PCYOX1: variants seen among roughly 807,000 people sequenced by gnomAD.
PCYOX1 encodes the protein prenylcysteine oxidase 1.
In PCYOX1, 46 loss-of-function variants were observed where a neutral mutation model predicts 46.4. That is an observed-to-expected ratio of 0.99 (90% CI 0.78 to 1.27). The LOEUF is 1.27. PCYOX1 is among the 50% of genes most tolerant of loss of function. The probability of loss-of-function intolerance (pLI) is 0.00; values close to 1 mark genes in which losing one functional copy is unlikely to be tolerated. For missense variants in PCYOX1, 658 were observed against 628.3 expected, an observed-to-expected ratio of 1.05 and a Z score of -0.51; for synonymous variants, 220 against 231.8, an observed-to-expected ratio of 0.95 and a Z score of 0.46.
intron 3 of PCYOX1, 67 bp from the exon 4 acceptor site, chr2:70,274,892 C>T: frequency 1.0e-6 from 1 of 986,034 alleles, no homozygotes; most frequent in South Asian, 1.3e-5. Context: ...ACGCCACTTC[C>T]CTTCTTTATA....
At chr2:70,273,375 G>A (rs570383224) in intron 3 of PCYOX1, among the ~76,000 whole-genome samples, 2 of 152,196 alleles carry the variant, frequency 1.3e-5, no homozygotes, top group East Asian at 1.9e-4. Flanking sequence ...CATAGATATC[G>A]AATCAGTTTT....
At chr2:70,267,649 C>T (rs1316256254) in intron 3 of PCYOX1, among the ~76,000 whole-genome samples, 2 of 152,084 alleles carry the variant, frequency 1.3e-5, no homozygotes, top group African/African-American at 2.4e-5. Context: ...ACCAGTCAGG[C>T]GTGGCGGCGC....
Position 70,280,748 on chromosome 2 carries a change from A to T in PCYOX1, c.*3356A>T, listed in dbSNP as rs1482748605. ...TTGATCCCTCTTGTTCTTTTGTTGT[A>T]AACATTTTCTATAATTAGGAAATGC... On this transcript the variant is annotated 3_prime_UTR_variant, in exon 6 of 6. Coordinates refer to ENST00000433351, the MANE Select transcript of PCYOX1 (RefSeq NM_016297.4). 3 of 152,204 alleles carry T rather than the reference A, an allele frequency of 2.0e-5. No homozygotes were observed. The East Asian group carries it at 5.8e-4, about 29-fold the overall frequency. The allele number at this position is 152,204 out of a possible 1,614,324, so 9.4% of individuals were successfully genotyped here. A position where few individuals can be genotyped will look rare whatever the true frequency, so the allele number is the denominator to read the frequency against.
At position 70,275,576 on chromosome 2, in the gene PCYOX1, G is replaced by C; in HGVS notation, c.769G>C (p.Val257Leu). The C allele has an allele frequency of 6.2e-7, 1 of 1,614,130 alleles. No homozygotes were observed. Among genetic ancestry groups the C allele is most frequent in the Non-Finnish European group, 8.5e-7 (1 of 1,179,988 alleles). ...GGCAGTAGAAGGTGGCAATAAACTT[G>C]TTTGCTCAGGGCTTCTGCAGGCATC... Reference protein sequence around the residue: ...LWAVEGGNKLVCSGLLQASKS... With the variant: ...LWAVEGGNKLLCSGLLQASKS... Residue 257 changes from valine (V) to leucine (L), a missense_variant, in exon 5 of 6, where the codon GTT becomes CTT. By Grantham distance (32) the Val-to-Leu change is conservative (BLOSUM62 1). Coordinates refer to ENST00000433351, the MANE Select transcript of PCYOX1 (RefSeq NM_016297.4).
intron 4 of PCYOX1, 104 bp from the exon 5 acceptor site, chr2:70,275,410 G>A (rs1479798120): frequency 2.4e-6 from 3 of 1,240,406 alleles, no homozygotes; most frequent in African/African-American, 3.0e-5. Context: ...ATTTAGCAAT[G>A]TCTAGAGACA....
Position 70,280,681 on chromosome 2 carries a change from G to C in PCYOX1, c.*3289G>C, listed in dbSNP as rs924055489. The C allele has an allele frequency of 1.3e-5, 2 of 152,200 alleles. No individual in the cohort carries two copies. The highest frequency in any genetic ancestry group is 2.9e-5 in the Non-Finnish European group (2 of 68,044). 9.4% of individuals were successfully genotyped at this position (152,200 alleles called of 1,614,324 possible). A position where few individuals can be genotyped will look rare whatever the true frequency, so the allele number is the denominator to read the frequency against. ...AGAGTTGCTGAAAAATGGAGTAACA[G>C]TGTATGGGACTTCACATCAGTTCTC... On this transcript the variant is annotated 3_prime_UTR_variant, in exon 6 of 6. Transcript: ENST00000433351.
At chr2:70,270,298 C>T (rs1305185408) in intron 3 of PCYOX1, among the ~76,000 whole-genome samples, 1 of 152,132 alleles carries the variant, frequency 6.6e-6, no homozygotes. Flanking sequence ...GCCTGCCAGA[C>T]ATTTTTCTTG....
At position 70,277,421 on chromosome 2, in the gene PCYOX1, T is replaced by C; in HGVS notation, c.*29T>C. ...GACACACTCCTTTTTCCCCTCCTAG[T>C]TCCAAATGACTATCAGTGGCAAAAA... On this transcript the variant is annotated 3_prime_UTR_variant, in exon 6 of 6. Coordinates refer to ENST00000433351, the MANE Select transcript of PCYOX1 (RefSeq NM_016297.4). 1 of 1,531,974 alleles carries C rather than the reference T, an allele frequency of 6.5e-7. No individual in the cohort carries two copies. The highest frequency in any genetic ancestry group is 8.9e-7 in the Non-Finnish European group (1 of 1,128,750). 94.9% of individuals were successfully genotyped at this position (1,531,974 alleles called of 1,614,324 possible).
chr2:70,258,603 A>G (rs1028303539), intron 1 of PCYOX1: 23 of 257,930 alleles, frequency 8.9e-5, no homozygotes, highest in Non-Finnish European at 1.3e-4. Flanking sequence ...AGGTTTCTCT[A>G]TCTTCCCGTT....
chr2:70,271,871 CCTTA>C (rs1278415382), intron 3 of PCYOX1, among the ~76,000 whole-genome samples: 1 of 152,000 alleles, frequency 6.6e-6, no homozygotes, highest in East Asian at 1.9e-4. Context: ...TTTAACAGAA[CCTTA>C]CTTCATTCCA....
intron 3 of PCYOX1, among the ~76,000 whole-genome samples, chr2:70,267,001 G>A (rs1050468302): frequency 1.3e-5 from 2 of 152,048 alleles, no homozygotes; most frequent in Non-Finnish European, 2.9e-5. Context: ...ACGGGGTGGC[G>A]GCTGGGCAGA....
In PCYOX1 at chr2:70,276,909, A is replaced by G; in HGVS notation, c.1035A>G (p.Thr345=). The change falls in exon 6 of 6, where the codon ACA becomes ACG. Residue 345 remains threonine, a synonymous_variant. Transcript: ENST00000433351. The stretch of plus-strand genomic sequence containing the variant: ...ATCAATATTATCAACATATAGTGAC[A>G]ACTTTAGTTAAGGGGGAATTGAATA... The part of the protein sequence containing the change: ...EFHQYYQHIV[T]TLVKGELNTS... The G allele has an allele frequency of 6.2e-7, 1 of 1,612,874 alleles. No homozygotes were observed. Among genetic ancestry groups the G allele is most frequent in the South Asian group, 1.1e-5 (1 of 91,044 alleles).
chr2:70,276,068 C>T (rs1423170130), intron 5 of PCYOX1, among the ~76,000 whole-genome samples: 1 of 139,474 alleles, frequency 7.2e-6, no homozygotes, highest in Non-Finnish European at 1.5e-5. Context: ...CCACTGCACT[C>T]TAGCCTGGGT....
At chr2:70,266,678 T>A (rs1573979471) in intron 3 of PCYOX1, among the ~76,000 whole-genome samples, 1 of 152,186 alleles carries the variant, frequency 6.6e-6, no homozygotes. Flanking sequence ...TTAACGAGTA[T>A]GCTGCCTTCA....
chr2:70,273,473 C>T (rs1411173582), intron 3 of PCYOX1, among the ~76,000 whole-genome samples: 1 of 152,150 alleles, frequency 6.6e-6, no homozygotes, highest in Non-Finnish European at 1.5e-5. Flanking sequence ...AATACTGTCC[C>T]TTGTTCTGTA....
intron 3 of PCYOX1, among the ~76,000 whole-genome samples, chr2:70,271,946 G>A (rs1462057378): frequency 6.6e-6 from 1 of 152,136 alleles, no homozygotes; most frequent in Non-Finnish European, 1.5e-5. Context: ...AGATAAAGGT[G>A]TTACTCAATA....
In PCYOX1 at chr2:70,275,032, G is replaced by A; in HGVS notation, c.568G>A (p.Asp190Asn). 1 of 1,613,560 alleles carries A rather than the reference G, an allele frequency of 6.2e-7. No individual in the cohort carries two copies. ...EKLLHALGGD[D>N]FLGMLNRTLL... ...ATTACTTCATGCTCTAGGAGGAGAT[G>A]ACTTCCTTGGAATGCTTAATCGAAC... Residue 190 changes from aspartate (D) to asparagine (N), a missense_variant, in exon 4 of 6, where the codon GAC (aspartate) becomes AAC (asparagine). Coordinates refer to ENST00000433351, the MANE Select transcript of PCYOX1 (RefSeq NM_016297.4).
At position 70,275,122 on chromosome 2, in the gene PCYOX1, G is replaced by C; in HGVS notation, c.658G>C (p.Val220Leu). ...GTTCCTCAATGAAATGATTGCTCCT[G>C]TTATGAGGGTCAATTATGGCCAAAG... ...EKFLNEMIAPVMRVNYGQSTD... is the reference protein window; with the variant it reads ...EKFLNEMIAPLMRVNYGQSTD... The change falls in exon 4 of 6, where the codon GTT becomes CTT. Residue 220 changes from valine to leucine, a missense_variant. Physicochemically the swap from Val to Leu is conservative, Grantham distance 32 (BLOSUM62 1). Transcript: ENST00000433351. The C allele has an allele frequency of 6.2e-7, 1 of 1,614,166 alleles. No homozygotes were observed. The highest frequency in any genetic ancestry group is 8.5e-7 in the Non-Finnish European group (1 of 1,180,014).
At position 70,277,037 on chromosome 2, in the gene PCYOX1, CTG is replaced by C; in HGVS notation, c.1166_1167del (p.Val389GlufsTer7). On this transcript the variant is annotated frameshift_variant, in exon 6 of 6. Coordinates refer to ENST00000433351, the MANE Select transcript of PCYOX1 (RefSeq NM_016297.4). LOFTEE classifies it high-confidence loss of function. The stretch of plus-strand genomic sequence containing the variant: ...ATTAACAGTATTGGGATTGTGCCCT[CTG>C]TGAGAGAAAAGGAAGATCCTGAGCC... 1 of 1,613,912 alleles carries C rather than the reference CTG, an allele frequency of 6.2e-7. No homozygotes were observed. Among genetic ancestry groups the C allele is most frequent in the Non-Finnish European group, 8.5e-7 (1 of 1,179,780 alleles).
Sources: gnomAD v4.1 joint callset for allele counts (sites outside exome capture counted in the v4.1 genomes callset) on GRCh38, gnomAD v4.1.1 for gene constraint, MANE v1.5 for transcripts, NCBI Gene and HGNC (gene_info 2026-07-23, HGNC 2026-07-21) for gene names.